PDE9A: variants seen among roughly 807,000 people sequenced by gnomAD.
The protein encoded by PDE9A is phosphodiesterase 9A.
Under a neutral mutation model 87.4 loss-of-function variants are expected in PDE9A, and 60 were observed. The observed-to-expected ratio is 0.69, with a 90% CI of 0.56 to 0.85. The LOEUF is 0.85. PDE9A is among the 40% of genes least tolerant of loss of function. The probability of loss-of-function intolerance (pLI) is 0.00; values close to 1 mark genes in which losing one functional copy is unlikely to be tolerated. For missense variants in PDE9A, 665 were observed against 779.0 expected (o/e 0.85, Z 1.74); for synonymous variants, 272 against 279.4 (o/e 0.97, Z 0.27).
At chr21:42,709,860 C>T (rs374009461) in intron 4 of PDE9A, among the ~76,000 whole-genome samples, 9 of 152,114 alleles carry the variant, frequency 5.9e-5, no homozygotes, top group African/African-American at 1.7e-4. Context: ...TAAAGCAATC[C>T]GCATCATGAT....
rs1227451039 is a variant in PDE9A at position 42,694,194 on chromosome 21, G to A, written c.219-4774G>A. Among the ~76,000 whole-genome samples, 1 of 152,148 alleles carries A rather than the reference G, an allele frequency of 6.6e-6. No homozygotes were observed. The highest frequency in any genetic ancestry group is 2.4e-5 in the African/African-American group (1 of 41,418). On this transcript the variant is annotated intron_variant, in intron 3 of 19. Transcript: ENST00000291539. The surrounding 1 kb of genome is among the most constrained non-coding windows in gnomAD (Gnocchi z 5.3). The stretch of plus-strand genomic sequence containing the variant: ...AGCTCAGAAGCTACGTCAGCAGTTG[G>A]TTGGTTGGTTGGTTGGTGGGTTGGT...
In PDE9A at chr21:42,686,211, G is replaced by C; in HGVS notation, c.89G>C (p.Cys30Ser). 1 of 1,613,904 alleles carries C rather than the reference G, an allele frequency of 6.2e-7. No homozygotes were observed. Among genetic ancestry groups the C allele is most frequent in the South Asian group, 1.1e-5 (1 of 91,084 alleles). Reference protein sequence around the residue: ...RIQKVIFSKYCNSSDIMDLFC... With the variant: ...RIQKVIFSKYSNSSDIMDLFC... ...TTGCAGGTAATCTTCAGCAAGTACT[G>C]CAACTCCAGCGACATCATGGACCTG... is the stretch of plus-strand genomic sequence containing the variant. Residue 30 changes from cysteine to serine, a missense_variant, in exon 2 of 20, where the codon TGC becomes TCC. Coordinates refer to ENST00000291539, the MANE Select transcript of PDE9A (RefSeq NM_002606.3).
At chr21:42,708,721 AT>A (rs1353382502) in intron 4 of PDE9A, among the ~76,000 whole-genome samples, 3 of 151,722 alleles carry the variant, frequency 2.0e-5, no homozygotes, top group African/African-American at 7.3e-5. Context: ...TGCCCAGCTA[AT>A]TTTTTGTATT....
At chr21:42,714,955 G>A (rs1277714213) in intron 4 of PDE9A, among the ~76,000 whole-genome samples, 2 of 151,882 alleles carry the variant, frequency 1.3e-5, no homozygotes, top group African/African-American at 2.4e-5. Flanking sequence ...TGTTCATATG[G>A]TTGGGGTTAG....
At chr21:42,688,141 A>T in intron 3 of PDE9A, 147 bp downstream of exon 3, 1 of 707,140 alleles carries the variant, frequency 1.4e-6, no homozygotes. Flanking sequence ...GCCAGTGTGA[A>T]GGAAGCTTGA....
chr21:42,745,188 G>C (rs1335955918), intron 8 of PDE9A, among the ~76,000 whole-genome samples: 2 of 152,188 alleles, frequency 1.3e-5, no homozygotes, highest in Non-Finnish European at 2.9e-5. Flanking sequence ...AAAGCCGACG[G>C]GCCTCATCTG....
At position 42,670,177 on chromosome 21, in the gene PDE9A, A is replaced by G. The variant is rs1374584550; in HGVS notation, c.70-16015A>G. 3.4e-5 allele frequency among the ~76,000 whole-genome samples: 5 copies of G among 146,762 alleles called. No individual in the cohort carries two copies. The East Asian group carries it at 5.8e-4, about 17-fold the overall frequency. ...CACACGCACACACATTCACACGCAC[A>G]CATACACTTACACACATTCACACAC... is the stretch of plus-strand genomic sequence containing the variant. On this transcript the variant is annotated intron_variant, in intron 1 of 19. Coordinates refer to ENST00000291539, the MANE Select transcript of PDE9A (RefSeq NM_002606.3).
At chr21:42,682,522 T>A (rs963103618) in intron 1 of PDE9A, among the ~76,000 whole-genome samples, 1 of 152,130 alleles carries the variant, frequency 6.6e-6, no homozygotes, top group Admixed American at 6.5e-5. Context: ...TCAGAAGATA[T>A]CAGAAGCAAA....
chr21:42,754,078 T>G lies in PDE9A; in HGVS notation c.810+14T>G, dbSNP rs775646799. 29 of 1,593,976 alleles carry G rather than the reference T, an allele frequency of 1.8e-5. No homozygotes were observed. The highest frequency in any genetic ancestry group is 2.4e-5 in the Non-Finnish European group (28 of 1,162,992). ...GAGCCCAATGAGGTAAGTGCGGGGC[T>G]TGCAGGCACCACGTCCCAGGGGGAG... On this transcript the variant is annotated intron_variant, in intron 10 of 19. Transcript: ENST00000291539.
intron 18 of PDE9A, among the ~76,000 whole-genome samples, chr21:42,771,360 C>G (rs973866361): frequency 1.1e-4 from 17 of 152,236 alleles, no homozygotes; most frequent in African/African-American, 4.1e-4. Flanking sequence ...GTCACAGCCT[C>G]AGGGCCCACG....
At chr21:42,671,483 G>A (rs1236737719) in intron 1 of PDE9A, among the ~76,000 whole-genome samples, 1 of 152,212 alleles carries the variant, frequency 6.6e-6, no homozygotes, top group African/African-American at 2.4e-5. Context: ...TTGTCTGGCG[G>A]TTAACTGTAA....
At chr21:42,668,816 C>A (rs529562169) in intron 1 of PDE9A, among the ~76,000 whole-genome samples, 1 of 151,046 alleles carries the variant, frequency 6.6e-6, no homozygotes, top group Non-Finnish European at 1.5e-5. Flanking sequence ...GCTGTTCAGA[C>A]GGTCTGGGTA....
intron 4 of PDE9A, among the ~76,000 whole-genome samples, chr21:42,725,565 C>T (rs1436982672): frequency 6.6e-6 from 1 of 152,090 alleles, no homozygotes; most frequent in African/African-American, 2.4e-5. Flanking sequence ...ATGATGTTGT[C>T]AATTCTGTAA....
chr21:42,729,894 T>G (rs2051539625), intron 4 of PDE9A, among the ~76,000 whole-genome samples: 1 of 152,134 alleles, frequency 6.6e-6, no homozygotes, highest in African/African-American at 2.4e-5. Context: ...TCCTTTAGAT[T>G]GGGTGAGATT....
At position 42,688,003 on chromosome 21, in the gene PDE9A, C is replaced by G; in HGVS notation, c.218+9C>G. 6.2e-7 allele frequency: 1 copy of G among 1,609,808 alleles called. No homozygotes were observed. The highest frequency in any genetic ancestry group is 8.5e-7 in the Non-Finnish European group (1 of 1,178,244). On this transcript the variant is annotated intron_variant, in intron 3 of 19. Transcript: ENST00000291539. ...CCCGCGAATTCAGAACGGTAAGAGG[C>G]TCCGGCCGCGCTCCTCGGGGTGTGC...
At chr21:42,725,362 C>T (rs2050927770) in intron 4 of PDE9A, among the ~76,000 whole-genome samples, 1 of 152,132 alleles carries the variant, frequency 6.6e-6, no homozygotes, top group Non-Finnish European at 1.5e-5. Flanking sequence ...GCCTCAGTCT[C>T]CTGAGTAGGT....
intron 1 of PDE9A, among the ~76,000 whole-genome samples, chr21:42,658,796 T>C (rs1400466714): frequency 1.3e-5 from 2 of 152,120 alleles, no homozygotes; most frequent in African/African-American, 4.8e-5. Context: ...TTTAAATTGG[T>C]ATAAAAATGG....
intron 4 of PDE9A, among the ~76,000 whole-genome samples, chr21:42,729,360 G>A (rs1193469881): frequency 2.6e-5 from 4 of 152,126 alleles, no homozygotes; most frequent in African/African-American, 9.7e-5. Context: ...TCCTGATATT[G>A]ACAGTCTGTG....
chr21:42,751,175 G>A lies in PDE9A; in HGVS notation c.713G>A (p.Arg238His), dbSNP rs113340993. The A allele has an allele frequency of 2.0e-5, 33 of 1,612,464 alleles. No individual in the cohort carries two copies. The highest frequency in any genetic ancestry group is 4.4e-5 in the South Asian group (4 of 91,058). Residue 238 changes from arginine (R) to histidine (H), a missense_variant, in exon 9 of 20, where the codon CGC becomes CAC. Coordinates refer to ENST00000291539, the MANE Select transcript of PDE9A (RefSeq NM_002606.3). Reference sequence around the variant, plus strand: ...AACCACAAGAAGTTGACTCCTCGACGCGATGTTCCCACTTACCCCAAGGTA... The same window carrying A: ...AACCACAAGAAGTTGACTCCTCGACACGATGTTCCCACTTACCCCAAGGTA... ...LDNHKKLTPR[R>H]DVPTYPKYLL...
Sources: allele counts gnomAD v4.1 joint callset (sites outside exome capture counted in the v4.1 genomes callset), GRCh38; gene constraint gnomAD v4.1.1; non-coding constraint Gnocchi (gnomAD v3.1); transcripts MANE v1.5; gene names NCBI Gene and HGNC (gene_info 2026-07-23, HGNC 2026-07-21).